ANK3: variants seen among roughly 807,000 people sequenced by gnomAD.
The protein encoded by ANK3 is ankyrin 3.
Under a neutral mutation model 370.9 loss-of-function variants are expected in ANK3, and 57 were observed. The ratio of observed to expected loss-of-function variants is 0.15; its 90% CI spans 0.12 to 0.19. ANK3 has a LOEUF of 0.19. Among genes scored for constraint, ANK3 ranks in the 10% least tolerant of loss-of-function variants. ANK3 has a pLI of 1.00. For missense variants in ANK3, 4,439 were observed against 5,302.1 expected (o/e 0.84, Z 5.06); for synonymous variants, 1,929 against 1,946.3 (o/e 0.99, Z 0.23).
At chr10:60,564,471 G>GTGTGCTCAAGGTCTGCATGTGTGCC (rs1417212050) in intron 2 of ANK3, among the ~76,000 whole-genome samples, 1 of 152,156 alleles carries the variant, frequency 6.6e-6, no homozygotes, top group African/African-American at 2.4e-5. Context: ...ATAGGTCAAT[G>GTGTGCTCAAGGTCTGCATGTGTGCC]AAACTGCCGT....
chr10:60,114,554 C>T (rs1423383531), intron 25 of ANK3, among the ~76,000 whole-genome samples: 4 of 152,148 alleles, frequency 2.6e-5, no homozygotes, highest in Non-Finnish European at 5.9e-5. Flanking sequence ...TAAGAAAGCT[C>T]CCTGGGTAAC....
chr10:60,456,684 G>A (rs2064756553), intron 2 of ANK3, among the ~76,000 whole-genome samples: 1 of 152,062 alleles, frequency 6.6e-6, no homozygotes, highest in African/African-American at 2.4e-5. Context: ...ATTCATTCTT[G>A]ACCCTCATCA....
chr10:60,160,154 C>T (rs888559855), intron 23 of ANK3, among the ~76,000 whole-genome samples: 1 of 116,390 alleles, frequency 8.6e-6, no homozygotes, highest in Non-Finnish European at 1.7e-5. Context: ...AATCAATAAG[C>T]TTTTAACCAG....
chr10:60,253,281 T>C (rs1362984705), intron 7 of ANK3, among the ~76,000 whole-genome samples: 1 of 152,052 alleles, frequency 6.6e-6, no homozygotes. Context: ...GTAGGCCAGG[T>C]GATGAAGGGA....
At chr10:60,172,139 A>T (rs556080624) in intron 21 of ANK3, among the ~76,000 whole-genome samples, 169 bp downstream of exon 21, 2 of 152,340 alleles carry the variant, frequency 1.3e-5, no homozygotes, top group South Asian at 4.1e-4. Flanking sequence ...ACTTTTATTC[A>T]TATTAGCAAT....
At chr10:60,592,464 T>C (rs1263338494) in intron 2 of ANK3, among the ~76,000 whole-genome samples, 1 of 151,984 alleles carries the variant, frequency 6.6e-6, no homozygotes, top group Admixed American at 6.6e-5. Context: ...AGTAACTGAG[T>C]TAATACAAAT....
chr10:60,685,307 T>C (rs1255263817), intron 1 of ANK3: 2 of 202,940 alleles, frequency 9.9e-6, no homozygotes, highest in Non-Finnish European at 2.2e-5. Context: ...GGTACTACCA[T>C]TTGGGGAAGC....
intron 5 of ANK3, among the ~76,000 whole-genome samples, chr10:60,265,002 T>A (rs916169804): frequency 1.3e-5 from 2 of 150,594 alleles, no homozygotes; most frequent in African/African-American, 5.0e-5. Context: ...AAATTAAAAA[T>A]TATAAATATT....
At chr10:60,417,545 T>G (rs1665199821) in intron 2 of ANK3, among the ~76,000 whole-genome samples, 1 of 152,168 alleles carries the variant, frequency 6.6e-6, no homozygotes, top group Non-Finnish European at 1.5e-5. Context: ...TGCAGCTGGT[T>G]GCAATTGAAC....
At chr10:60,612,398 T>C (rs777130939) in intron 2 of ANK3, among the ~76,000 whole-genome samples, 14 of 152,136 alleles carry the variant, frequency 9.2e-5, no homozygotes, top group Non-Finnish European at 2.1e-4. Context: ...AAATGTAAAA[T>C]AGAAGATACT....
intron 1 of ANK3, among the ~76,000 whole-genome samples, chr10:60,319,773 G>A (rs543579971): frequency 9.2e-5 from 14 of 152,232 alleles, no homozygotes; most frequent in Non-Finnish European, 1.8e-4. Flanking sequence ...GTAAAAAAAA[G>A]TTACAGTATA....
intron 1 of ANK3, among the ~76,000 whole-genome samples, chr10:60,293,897 A>T (rs973189431): frequency 6.6e-6 from 1 of 152,198 alleles, no homozygotes; most frequent in Non-Finnish European, 1.5e-5. Context: ...TTCTGGCATT[A>T]TACGTGGTAG....
chr10:60,616,189 A>G lies in ANK3; in HGVS notation c.58-965T>C, dbSNP rs183178156. Among the ~76,000 whole-genome samples the G allele has an allele frequency of 3.4e-3, 523 of 152,288 alleles. 2 individuals carry two copies. Among genetic ancestry groups the G allele is most frequent in the South Asian group, 0.018 (88 of 4,828 alleles). On this transcript the variant is annotated intron_variant, in intron 1 of 43. Transcript: ENST00000373827. ...TCTATTTGAGCTTCCAATAAAGAAA[A>G]AAATAGAAGGAAATTAACATTTCTA... is the stretch of plus-strand genomic sequence containing the variant.
At chr10:60,346,163 T>C (rs1478063129) in intron 1 of ANK3, among the ~76,000 whole-genome samples, 1 of 151,992 alleles carries the variant, frequency 6.6e-6, no homozygotes. Context: ...AGAAAACAAC[T>C]GGATGAAAAC....
chr10:60,330,956 G>A (rs577821074), intron 1 of ANK3, among the ~76,000 whole-genome samples: 40 of 152,216 alleles, frequency 2.6e-4, no homozygotes, highest in Admixed American at 4.6e-4. Context: ...ATGAATTCAC[G>A]TCCTTTGCAG....
intron 1 of ANK3, among the ~76,000 whole-genome samples, chr10:60,731,824 G>A (rs1285172369): frequency 6.6e-6 from 1 of 152,116 alleles, no homozygotes; most frequent in Non-Finnish European, 1.5e-5. Context: ...TGTAACCCCA[G>A]GATGACTCTT....
intron 1 of ANK3, among the ~76,000 whole-genome samples, chr10:60,631,221 A>C (rs997422846): frequency 6.6e-6 from 1 of 152,124 alleles, no homozygotes; most frequent in Non-Finnish European, 1.5e-5. Flanking sequence ...CCAAAGTCAT[A>C]GATTTCCTTA....
intron 41 of ANK3, 81 bp from the exon 42 acceptor site, chr10:60,056,117 G>A (rs1158039229): frequency 1.1e-5 from 16 of 1,460,580 alleles, no homozygotes; most frequent in African/African-American, 1.4e-5. Flanking sequence ...TTTAAGAACT[G>A]TGTCTTTTGC....
chr10:60,669,167 C>T (rs1427896076), intron 1 of ANK3, among the ~76,000 whole-genome samples: 4 of 152,202 alleles, frequency 2.6e-5, no homozygotes, highest in African/African-American at 4.8e-5. Flanking sequence ...GAGGATTGAA[C>T]TGATTGTATT....
Sources: gnomAD v4.1 joint callset for allele counts (sites outside exome capture counted in the v4.1 genomes callset) on GRCh38, gnomAD v4.1.1 for gene constraint, MANE v1.5 for transcripts, NCBI Gene and HGNC (gene_info 2026-07-23, HGNC 2026-07-21) for gene names.